The following SMAD1 variants were observed in gnomAD, a reference collection of about 807,000 sequenced individuals.
The protein encoded by SMAD1 is SMAD family member 1, also known as MAD, mothers against decapentaplegic homolog 1.
Under a neutral mutation model 41.6 loss-of-function variants are expected in SMAD1, and 6 were observed. That is an observed-to-expected ratio of 0.14 (90% CI 0.08 to 0.28). The LOEUF is 0.28. Among genes scored for constraint, SMAD1 ranks in the 10% least tolerant of loss-of-function variants. The pLI is 1.00. For synonymous variants in SMAD1, 206 were observed against 203.2 expected (o/e 1.01, Z -0.12); for missense variants, 379 against 582.6 (o/e 0.65, Z 3.60).
chr4:145,523,931 G>C (rs546484261), intron 2 of SMAD1, among the ~76,000 whole-genome samples: 1 of 152,118 alleles, frequency 6.6e-6, no homozygotes, highest in Non-Finnish European at 1.5e-5. Context: ...ACGAGATCTG[G>C]CCCTGTTGCT....
intron 5 of SMAD1, among the ~76,000 whole-genome samples, chr4:145,549,454 G>T (rs1403364131): frequency 6.6e-6 from 1 of 152,028 alleles, no homozygotes; most frequent in Non-Finnish European, 1.5e-5. Context: ...CATACATACA[G>T]ACAGACACAC....
intron 5 of SMAD1, among the ~76,000 whole-genome samples, chr4:145,552,874 C>A (rs1732626158): frequency 1.3e-5 from 2 of 151,278 alleles, no homozygotes; most frequent in African/African-American, 4.9e-5. Context: ...TAATCACTTA[C>A]CAAAATGAAA....
intron 2 of SMAD1, among the ~76,000 whole-genome samples, chr4:145,533,873 A>G (rs1230050000): frequency 1.3e-5 from 2 of 152,190 alleles, no homozygotes; most frequent in Non-Finnish European, 2.9e-5. Flanking sequence ...CAAATCCTAT[A>G]TGTGGTGTTA....
intron 6 of SMAD1, among the ~76,000 whole-genome samples, chr4:145,555,469 G>A (rs28607764): frequency 0.16 from 24,029 of 152,040 alleles, 4,075 homozygotes; most frequent in African/African-American, 0.42. Flanking sequence ...CTTTGAAATG[G>A]GGGTGGATGG....
At chr4:145,495,779 C>CT (rs397938427) in intron 1 of SMAD1, among the ~76,000 whole-genome samples, 6,711 of 117,422 alleles carry the variant, frequency 0.057, 222 homozygotes, top group South Asian at 0.082. Flanking sequence ...CAGTGCTTGG[C>CT]TTTTTTTTTT....
At position 145,514,600 on chromosome 4, in the gene SMAD1, C is replaced by A; in HGVS notation, c.-14C>A. Reference sequence around the variant, plus strand: ...ATTTCACCATATCCAAGGAGTATAACTAGTGCTGTCATTATGAATGTGACA... The same window carrying A: ...ATTTCACCATATCCAAGGAGTATAAATAGTGCTGTCATTATGAATGTGACA... On this transcript the variant is annotated 5_prime_UTR_variant, in exon 2 of 7. Transcript: ENST00000302085. This position sits in a 1 kb window ranked among gnomAD's most constrained non-coding sequence, Gnocchi z 4.7. The A allele has an allele frequency of 1.3e-6, 2 of 1,583,040 alleles. No individual in the cohort carries two copies. Among genetic ancestry groups the A allele is most frequent in the South Asian group, 1.2e-5 (1 of 84,148 alleles).
At chr4:145,502,045 T>G (rs1167746251) in intron 1 of SMAD1, among the ~76,000 whole-genome samples, 2 of 152,214 alleles carry the variant, frequency 1.3e-5, no homozygotes, top group African/African-American at 2.4e-5. Flanking sequence ...AGTCTAAAAT[T>G]GCTATTTTAG....
chr4:145,545,298 T>C (rs906954638), intron 4 of SMAD1: 2 of 152,240 alleles, frequency 1.3e-5, no homozygotes, highest in African/African-American at 4.8e-5. Flanking sequence ...AAAAAATTCA[T>C]CAACCTCTGA....
intron 1 of SMAD1, chr4:145,484,637 T>G (rs377106358): frequency 2.6e-5 from 4 of 152,206 alleles, no homozygotes; most frequent in African/African-American, 9.7e-5. Flanking sequence ...TAGAAAAATT[T>G]AAGATAAATG....
At chr4:145,524,211 A>G (rs1730909449) in intron 2 of SMAD1, among the ~76,000 whole-genome samples, 1 of 152,208 alleles carries the variant, frequency 6.6e-6, no homozygotes, top group Admixed American at 6.5e-5. Context: ...ATTTTCATCT[A>G]TAATATTACT....
chr4:145,516,278 G>A (rs1560740582), intron 2 of SMAD1, among the ~76,000 whole-genome samples: 1 of 151,978 alleles, frequency 6.6e-6, no homozygotes. Flanking sequence ...CATAATATTG[G>A]AGTTTCTTTG....
chr4:145,553,692 T>C, intron 5 of SMAD1, 92 bp from the exon 6 acceptor site: 1 of 1,153,114 alleles, frequency 8.7e-7, no homozygotes, highest in East Asian at 2.3e-5. Flanking sequence ...TTTAAATCCA[T>C]GTATATTTAA....
chr4:145,491,755 A>G (rs984218535), intron 1 of SMAD1, among the ~76,000 whole-genome samples: 1 of 152,158 alleles, frequency 6.6e-6, no homozygotes, highest in African/African-American at 2.4e-5. Flanking sequence ...GTGAGGGGCT[A>G]TCAGTTATAC....
intron 4 of SMAD1, among the ~76,000 whole-genome samples, chr4:145,542,971 A>AT (rs546845656): frequency 6.0e-5 from 9 of 149,676 alleles, no homozygotes; most frequent in East Asian, 2.0e-4. Context: ...GATGATGAAA[A>AT]TTTTTTTTTT....
At position 145,553,800 on chromosome 4, in the gene SMAD1, T is replaced by C. The variant is rs756742578; in HGVS notation, c.1014T>C (p.Tyr338=). The C allele has an allele frequency of 7.4e-6, 12 of 1,613,984 alleles. No homozygotes were observed. Among genetic ancestry groups the C allele is most frequent in the Non-Finnish European group, 1.0e-5 (12 of 1,179,826 alleles). ...TTCCTATAGGAGTTCATCTTTATTA[T>C]GTTGGAGGGGAGGTGTATGCCGAAT... The part of the protein sequence containing the change: ...RHIGKGVHLY[Y]VGGEVYAECL... Residue 338 remains tyrosine, a synonymous_variant, in exon 6 of 7, where the codon TAT becomes TAC. Coordinates refer to ENST00000302085, the MANE Select transcript of SMAD1 (RefSeq NM_005900.3).
intron 2 of SMAD1, among the ~76,000 whole-genome samples, chr4:145,519,950 G>T (rs1216234015): frequency 6.6e-6 from 1 of 152,162 alleles, no homozygotes. Flanking sequence ...TCCGCCAGGT[G>T]TCACAAGTGA....
chr4:145,553,329 T>G (rs1458578496), intron 5 of SMAD1, among the ~76,000 whole-genome samples: 5 of 152,180 alleles, frequency 3.3e-5, no homozygotes, highest in Non-Finnish European at 1.5e-5. Flanking sequence ...CCCAGTCTTT[T>G]TGGCACCAGG....
At chr4:145,515,790 G>C (rs1730350947) in intron 2 of SMAD1, among the ~76,000 whole-genome samples, 1 of 152,130 alleles carries the variant, frequency 6.6e-6, no homozygotes, top group Non-Finnish European at 1.5e-5. Flanking sequence ...CAATTTTGTT[G>C]ATGGATTGGC....
intron 4 of SMAD1, chr4:145,545,854 A>G (rs1041462023): frequency 1.3e-5 from 2 of 152,202 alleles, no homozygotes; most frequent in African/African-American, 4.8e-5. Flanking sequence ...GAAGGAATTC[A>G]TCTTTAAAAC....
Sources: allele counts gnomAD v4.1 joint callset (sites outside exome capture counted in the v4.1 genomes callset), GRCh38; gene constraint gnomAD v4.1.1; non-coding constraint Gnocchi (gnomAD v3.1); transcripts MANE v1.5; gene names NCBI Gene and HGNC (gene_info 2026-07-23, HGNC 2026-07-21).